GRAMD1C: variants seen among roughly 807,000 people sequenced by gnomAD.
GRAMD1C encodes GRAM domain containing 1C.
In GRAMD1C, 89 loss-of-function variants were observed where a neutral mutation model predicts 97.8. That is an observed-to-expected ratio of 0.91 (90% confidence interval 0.77 to 1.09). GRAMD1C has a LOEUF of 1.09. GRAMD1C is among the 50% of genes least tolerant of loss of function. The pLI, the probability that GRAMD1C is intolerant of heterozygous loss-of-function variation, is 0.00. For missense variants in GRAMD1C, 740 were observed against 766.4 expected (o/e 0.97, Z 0.41); for synonymous variants, 256 against 267.0 (o/e 0.96, Z 0.40).
At chr3:113,859,227 C>G (rs1934274187) in intron 2 of GRAMD1C, among the ~76,000 whole-genome samples, 1 of 152,098 alleles carries the variant, frequency 6.6e-6, no homozygotes, top group Non-Finnish European at 1.5e-5. Context: ...AAATTTCTCT[C>G]TCATCTTTAG....
At chr3:113,873,446 T>C (rs914256004) in intron 3 of GRAMD1C, among the ~76,000 whole-genome samples, 21 of 152,180 alleles carry the variant, frequency 1.4e-4, no homozygotes, top group Non-Finnish European at 2.6e-4. Context: ...GAGAGCTTGT[T>C]AGACACACAG....
upstream of GRAMD1C, among the ~76,000 whole-genome samples, chr3:113,836,486 T>G (rs1439340615): frequency 6.6e-6 from 1 of 151,790 alleles, no homozygotes; most frequent in Non-Finnish European, 1.5e-5. Flanking sequence ...CGTGGAAGCA[T>G]TTGGAAGCAA....
At chr3:113,842,094 T>C (rs1415743557) in intron 1 of GRAMD1C, among the ~76,000 whole-genome samples, 2 of 152,190 alleles carry the variant, frequency 1.3e-5, no homozygotes, top group African/African-American at 4.8e-5. Flanking sequence ...ATGGCCACAA[T>C]AGGATATTTC....
chr3:113,922,762 T>C (rs1381509401), intron 10 of GRAMD1C, among the ~76,000 whole-genome samples: 1 of 152,218 alleles, frequency 6.6e-6, no homozygotes. Flanking sequence ...TATTGGGCTC[T>C]TTTTTGGTTC....
chr3:113,879,313 C>T (rs902579379), intron 5 of GRAMD1C, among the ~76,000 whole-genome samples: 1 of 152,106 alleles, frequency 6.6e-6, no homozygotes, highest in Non-Finnish European at 1.5e-5. Flanking sequence ...TACAGGGACA[C>T]CCTCTGTTCC....
intron 17 of GRAMD1C, among the ~76,000 whole-genome samples, chr3:113,941,301 T>A (rs892285215): frequency 1.3e-5 from 2 of 152,228 alleles, no homozygotes; most frequent in African/African-American, 4.8e-5. Context: ...ATTATCACTC[T>A]TGATTCTTTA....
At chr3:113,910,514 T>A (rs1302482927) in intron 9 of GRAMD1C, among the ~76,000 whole-genome samples, 1 of 152,230 alleles carries the variant, frequency 6.6e-6, no homozygotes, top group Non-Finnish European at 1.5e-5. Context: ...ATATTCTAGA[T>A]GTTTTTCACA....
chr3:113,838,847 T>C lies in GRAMD1C; in HGVS notation c.-63T>C, dbSNP rs997637552. ...TGTAACTCGCAGCGCGCGCTGGAGGTGGGCGCGGGGCGGTGCGGTGCGGTG... is the reference window on the plus strand; with the variant it reads ...TGTAACTCGCAGCGCGCGCTGGAGGCGGGCGCGGGGCGGTGCGGTGCGGTG... On this transcript the variant is annotated 5_prime_UTR_variant, in exon 1 of 18. Coordinates refer to ENST00000358160, the MANE Select transcript of GRAMD1C (RefSeq NM_017577.5). The C allele has an allele frequency of 2.1e-5, 25 of 1,184,696 alleles. No homozygotes were observed. The highest frequency in any genetic ancestry group is 4.3e-5 in the South Asian group (1 of 23,510). The allele number at this position is 1,184,696 out of a possible 1,614,324, so 73.4% of individuals were successfully genotyped here.
chr3:113,924,223 A>C (rs1937159114), intron 10 of GRAMD1C, among the ~76,000 whole-genome samples: 1 of 151,354 alleles, frequency 6.6e-6, no homozygotes, highest in Admixed American at 6.6e-5. Context: ...CAAAGAGCCA[A>C]CTTATGATTT....
chr3:113,889,212 A>G (rs1056700359), intron 6 of GRAMD1C, among the ~76,000 whole-genome samples: 1 of 151,870 alleles, frequency 6.6e-6, no homozygotes. Context: ...AAAAAAACGT[A>G]TATCCACACA....
rs772233296 is a variant in GRAMD1C, at chr3:113,841,285, C to CTTTTTTTTTTTTT, written c.27+2353_27+2365dup. Among the ~76,000 whole-genome samples the CTTTTTTTTTTTTT allele has an allele frequency of 9.9e-4, 93 of 94,330 alleles. 3 individuals carry two copies. Among genetic ancestry groups the CTTTTTTTTTTTTT allele is most frequent in the African/African-American group, 1.7e-3 (43 of 25,858 alleles). The allele number at this position is 94,330 out of a possible 152,430, so 61.9% of individuals were successfully genotyped here. ...TCACAAAGTACTTCTTTCTTTCTTT[C>CTTTTTTTTTTTTT]TTTTTTTTTTTTTTTTGCGAGACAG... is the stretch of plus-strand genomic sequence containing the variant. On this transcript the variant is annotated intron_variant, in intron 1 of 17. Coordinates refer to ENST00000358160, the MANE Select transcript of GRAMD1C (RefSeq NM_017577.5).
Position 113,915,639 on chromosome 3 carries a change from A to G in GRAMD1C, c.953-62A>G, listed in dbSNP as rs192765482. ...AAAAGAAAACCCCACGAAACCCCCT[A>G]AAGCCTTAAAATAAACTTTCTTTGA... is the stretch of plus-strand genomic sequence containing the variant. On this transcript the variant is annotated intron_variant, in intron 9 of 17. Coordinates refer to ENST00000358160, the MANE Select transcript of GRAMD1C (RefSeq NM_017577.5). 16 of 1,410,902 alleles carry G rather than the reference A, an allele frequency of 1.1e-5. No individual in the cohort carries two copies. The African/African-American group carries it at 1.4e-4, about 13-fold the overall frequency. The allele number at this position is 1,410,902 out of a possible 1,614,324, so 87.4% of individuals were successfully genotyped here. A position where few individuals can be genotyped will look rare whatever the true frequency, so the allele number is the denominator to read the frequency against.
At chr3:113,878,507 G>A (rs1225134200) in intron 5 of GRAMD1C, among the ~76,000 whole-genome samples, 1 of 152,118 alleles carries the variant, frequency 6.6e-6, no homozygotes, top group East Asian at 1.9e-4. Flanking sequence ...TACATTAAAT[G>A]TATATAATCA....
intron 1 of GRAMD1C, among the ~76,000 whole-genome samples, chr3:113,830,326 C>T (rs531710067): frequency 1.1e-4 from 16 of 152,282 alleles, no homozygotes; most frequent in African/African-American, 3.4e-4. Flanking sequence ...ATCCAGGTAG[C>T]CCTTTTCTAT....
At chr3:113,900,263 GT>G (rs1317976488) in intron 6 of GRAMD1C, among the ~76,000 whole-genome samples, 2 of 151,384 alleles carry the variant, frequency 1.3e-5, no homozygotes, top group Non-Finnish European at 2.9e-5. Flanking sequence ...GGAGGCTGAG[GT>G]AGGAGAATCG....
intron 6 of GRAMD1C, among the ~76,000 whole-genome samples, chr3:113,896,506 A>G (rs1055459575): frequency 2.6e-5 from 4 of 152,204 alleles, no homozygotes; most frequent in African/African-American, 9.6e-5. Flanking sequence ...TTTAGCAAAA[A>G]TGTGTATAAA....
At chr3:113,849,433 A>T (rs9755269) in intron 2 of GRAMD1C, among the ~76,000 whole-genome samples, 5 of 151,712 alleles carry the variant, frequency 3.3e-5, no homozygotes, top group Admixed American at 2.6e-4. Context: ...TAGGCAGAGG[A>T]CCCTGCAGCC....
intron 6 of GRAMD1C, among the ~76,000 whole-genome samples, chr3:113,895,596 A>G (rs1434436159): frequency 6.6e-6 from 1 of 152,148 alleles, no homozygotes; most frequent in East Asian, 1.9e-4. Context: ...CAACATTCAG[A>G]CCTACCTGGA....
chr3:113,888,862 C>CA (rs1386549628), intron 6 of GRAMD1C, among the ~76,000 whole-genome samples: 2 of 152,086 alleles, frequency 1.3e-5, no homozygotes, highest in Non-Finnish European at 2.9e-5. Context: ...TCATAATAGC[C>CA]AAAAAGTAGA....
Sources: gnomAD v4.1 joint callset for allele counts (sites outside exome capture counted in the v4.1 genomes callset) on GRCh38, gnomAD v4.1.1 for gene constraint, MANE v1.5 for transcripts, NCBI Gene and HGNC (gene_info 2026-07-23, HGNC 2026-07-21) for gene names.